DZIP3: variants seen among roughly 807,000 people sequenced by gnomAD.
The protein encoded by DZIP3 is DAZ interacting zinc finger protein 3.
In DZIP3, 118 loss-of-function variants were observed where a neutral mutation model predicts 162.0. The ratio of observed to expected loss-of-function variants is 0.73; its 90% CI spans 0.63 to 0.85. The LOEUF (loss-of-function observed/expected upper bound fraction) is 0.85. Ranked by LOEUF, DZIP3 falls within the 40% of genes least tolerant of loss-of-function variation. The probability of loss-of-function intolerance (pLI) is 0.00; values close to 1 mark genes in which losing one functional copy is unlikely to be tolerated. For missense variants in DZIP3, 1,331 were observed against 1,407.0 expected, an observed-to-expected ratio of 0.95 and a Z score of 0.86; for synonymous variants, 438 against 458.6, an observed-to-expected ratio of 0.96 and a Z score of 0.57.
At position 108,632,952 on chromosome 3, in the gene DZIP3, G is replaced by A; in HGVS notation, c.697-1G>A. 1.5e-6 allele frequency: 2 copies of A among 1,378,472 alleles called. No individual in the cohort carries two copies. Among genetic ancestry groups the A allele is most frequent in the Non-Finnish European group, 9.7e-7 (1 of 1,027,718 alleles). 85.4% of individuals were successfully genotyped at this position (1,378,472 alleles called of 1,614,324 possible). On this transcript the variant is annotated splice_acceptor_variant, in intron 8 of 32. Transcript: ENST00000361582. LOFTEE classifies it high-confidence loss of function. Reference sequence around the variant, plus strand: ...GAATTCTTTCTGTTTTTAAAATCTAGGATCTTCTTAATAATTTTATCAAGA... The same window carrying A: ...GAATTCTTTCTGTTTTTAAAATCTAAGATCTTCTTAATAATTTTATCAAGA...
At chr3:108,629,370 C>G (rs1576383090) in intron 8 of DZIP3, among the ~76,000 whole-genome samples, 194 bp downstream of exon 8, 1 of 152,090 alleles carries the variant, frequency 6.6e-6, no homozygotes, top group East Asian at 1.9e-4. Flanking sequence ...TTAACATTTT[C>G]AAATAATGAG....
intron 26 of DZIP3, among the ~76,000 whole-genome samples, chr3:108,683,503 G>A (rs756564025): frequency 3.3e-4 from 50 of 152,110 alleles, no homozygotes; most frequent in Non-Finnish European, 6.8e-4. Flanking sequence ...GCCAGTAGTA[G>A]GGCTGGCATG....
At chr3:108,666,445 T>C (rs1049352156) in intron 21 of DZIP3, among the ~76,000 whole-genome samples, 1 of 152,114 alleles carries the variant, frequency 6.6e-6, no homozygotes, top group Admixed American at 6.6e-5. Context: ...ACCATTATAA[T>C]TGAACACTTC....
intron 10 of DZIP3, among the ~76,000 whole-genome samples, chr3:108,635,641 ATATATATTATAATATTATAAATAT>A (rs1368851046): frequency 1.4e-5 from 2 of 147,190 alleles, no homozygotes; most frequent in African/African-American, 4.9e-5. Context: ...TATAAGTTAT[ATATATATTATAATATTATAAATAT>A]TATATAATAT....
At chr3:108,619,911 A>AC (rs34289399) in intron 5 of DZIP3, among the ~76,000 whole-genome samples, 11 of 151,978 alleles carry the variant, frequency 7.2e-5, no homozygotes, top group African/African-American at 2.7e-4. Context: ...TTAAAAAAAA[A>AC]AAAACAGGAA....
chr3:108,618,513 G>C (rs1004392295), intron 5 of DZIP3, among the ~76,000 whole-genome samples: 1 of 152,200 alleles, frequency 6.6e-6, no homozygotes, highest in Non-Finnish European at 1.5e-5. Flanking sequence ...AAGTAGTGGA[G>C]TCAGGTGGCT....
At position 108,605,347 on chromosome 3, in the gene DZIP3, G is replaced by T. The variant is rs1307978230; in HGVS notation, c.-60G>T. On this transcript the variant is annotated 5_prime_UTR_variant, in exon 2 of 33. Coordinates refer to ENST00000361582, the MANE Select transcript of DZIP3 (RefSeq NM_014648.4). ...ATTTTCCTTACAGCATTAAAGGGCA[G>T]TATTTAAAGTCAGTTGGCAAGCAGT... is the stretch of plus-strand genomic sequence containing the variant. 1.0e-5 allele frequency: 16 copies of T among 1,606,954 alleles called. No homozygotes were observed. Among genetic ancestry groups the T allele is most frequent in the Non-Finnish European group, 1.4e-5 (16 of 1,174,302 alleles).
chr3:108,675,772 C>T lies in DZIP3; in HGVS notation c.2694-14C>T. On this transcript the variant is annotated splice_polypyrimidine_tract_variant and intron_variant, in intron 24 of 32. Coordinates refer to ENST00000361582, the MANE Select transcript of DZIP3 (RefSeq NM_014648.4). ...AAGAAAGAGTTTTCTTTTGTGTCTCCTTTTCTACAACAGCAACCTAGAATC... is the reference window on the plus strand; with the variant it reads ...AAGAAAGAGTTTTCTTTTGTGTCTCTTTTTCTACAACAGCAACCTAGAATC... The T allele has an allele frequency of 6.3e-7, 1 of 1,589,054 alleles. No homozygotes were observed. Among genetic ancestry groups the T allele is most frequent in the East Asian group, 2.3e-5 (1 of 44,356 alleles).
chr3:108,667,431 A>G (rs1943730356), intron 21 of DZIP3, among the ~76,000 whole-genome samples: 1 of 152,172 alleles, frequency 6.6e-6, no homozygotes, highest in Non-Finnish European at 1.5e-5. Flanking sequence ...ACATTCTTGA[A>G]ATGACAAAAT....
In DZIP3 at chr3:108,662,211, G is replaced by A. The variant is rs371443589; in HGVS notation, c.2377G>A (p.Ala793Thr). 2.6e-5 allele frequency: 42 copies of A among 1,606,154 alleles called. No homozygotes were observed. The highest frequency in any genetic ancestry group is 1.1e-4 in the South Asian group (10 of 88,798). The change falls in exon 21 of 33, where the codon GCA becomes ACA. Residue 793 changes from alanine (A) to threonine (T), a missense_variant. Physicochemically the swap from Ala to Thr is moderately conservative, Grantham distance 58. Coordinates refer to ENST00000361582, the MANE Select transcript of DZIP3 (RefSeq NM_014648.4). ...MQIKKKDKII[A>T]SLNQQVAFGI... ...GATTAAAAAGAAAGACAAAATTATC[G>A]CATCTCTTAATCAACAAGTTGCTTT...
chr3:108,675,911 T>C (rs1052568557), intron 25 of DZIP3, 38 bp downstream of exon 25: 7 of 1,551,772 alleles, frequency 4.5e-6, no homozygotes, highest in Non-Finnish European at 6.2e-6. Context: ...ATTGGCTTAA[T>C]GTTATAGGTG....
At chr3:108,632,240 A>C (rs1941923042) in intron 8 of DZIP3, among the ~76,000 whole-genome samples, 1 of 151,832 alleles carries the variant, frequency 6.6e-6, no homozygotes, top group African/African-American at 2.4e-5. Flanking sequence ...GTTTTATTCT[A>C]TTTTATTTTA....
intron 27 of DZIP3, among the ~76,000 whole-genome samples, chr3:108,685,428 A>G (rs769833694): frequency 6.6e-6 from 1 of 152,128 alleles, no homozygotes; most frequent in Non-Finnish European, 1.5e-5. Flanking sequence ...AGTAGTTGCT[A>G]GTTTTTCATG....
At chr3:108,613,253 A>AT (rs1399480189) in intron 4 of DZIP3, among the ~76,000 whole-genome samples, 1 of 152,260 alleles carries the variant, frequency 6.6e-6, no homozygotes, top group South Asian at 2.1e-4. Flanking sequence ...AAATAATGGG[A>AT]TTTTTTTGGT....
chr3:108,618,569 T>C (rs116232249), intron 5 of DZIP3, among the ~76,000 whole-genome samples: 2,106 of 152,270 alleles, frequency 0.014, 52 homozygotes, highest in African/African-American at 0.048. Flanking sequence ...GATGAGAATT[T>C]TAAGGTGGGA....
intron 19 of DZIP3, among the ~76,000 whole-genome samples, chr3:108,659,716 C>T (rs138744552): frequency 0.1 from 15,746 of 152,200 alleles, 1,129 homozygotes; most frequent in South Asian, 0.27. Flanking sequence ...TTGCAGATGA[C>T]ATGATTGTAT....
At chr3:108,642,117 C>T (rs1054913166) in intron 12 of DZIP3, among the ~76,000 whole-genome samples, 7 of 151,986 alleles carry the variant, frequency 4.6e-5, no homozygotes, top group Non-Finnish European at 8.8e-5. Context: ...TTTTTGTTTG[C>T]TTGCTTGCTT....
chr3:108,601,022 C>G (rs546480363), intron 1 of DZIP3, among the ~76,000 whole-genome samples: 1 of 152,258 alleles, frequency 6.6e-6, no homozygotes, highest in South Asian at 2.1e-4. Context: ...TACTTTATGT[C>G]ATTTTGCTTT....
At chr3:108,648,166 T>C in intron 16 of DZIP3, 54 bp downstream of exon 16, 1 of 1,489,856 alleles carries the variant, frequency 6.7e-7, no homozygotes, top group South Asian at 1.4e-5. Flanking sequence ...GGCCTTTAAT[T>C]TGTTGCATGT....
Sources: allele counts gnomAD v4.1 joint callset (sites outside exome capture counted in the v4.1 genomes callset), GRCh38; gene constraint gnomAD v4.1.1; transcripts MANE v1.5; gene names NCBI Gene and HGNC (gene_info 2026-07-23, HGNC 2026-07-21).